BRCA1: variants seen among roughly 807,000 people sequenced by gnomAD.
The protein encoded by BRCA1 is breast cancer type 1 susceptibility protein.
In BRCA1, 140 loss-of-function variants were observed where a neutral mutation model predicts 173.7. The ratio of observed to expected loss-of-function variants is 0.81; its 90% CI spans 0.70 to 0.93. The LOEUF (loss-of-function observed/expected upper bound fraction) is 0.93, where lower values mean the gene tolerates loss of function less well. Ranked by LOEUF, BRCA1 falls within the 40% of genes least tolerant of loss-of-function variation. The probability of loss-of-function intolerance (pLI) is 0.00; values close to 1 mark genes in which losing one functional copy is unlikely to be tolerated. For synonymous variants in BRCA1, 662 were observed against 756.0 expected (o/e 0.88, Z 2.04); for missense variants, 1,983 against 2,172.5 (o/e 0.91, Z 1.73).
chr17:43,131,351 G>A (rs890893873), intron 1 of BRCA1: 4 of 441,388 alleles, frequency 9.1e-6, no homozygotes, highest in East Asian at 7.1e-5. Flanking sequence ...TTAATAATTC[G>A]AAGTAGCGCT....
intron 7 of BRCA1, among the ~76,000 whole-genome samples, chr17:43,099,182 G>A (rs1229935940): frequency 6.6e-6 from 1 of 151,774 alleles, no homozygotes; most frequent in Non-Finnish European, 1.5e-5. Context: ...ACTAAATACT[G>A]TAGCAATCCA....
At chr17:43,125,068 G>T in intron 1 of BRCA1, 2 of 436,820 alleles carry the variant, frequency 4.6e-6, no homozygotes, top group South Asian at 1.6e-5. Flanking sequence ...GACACTCAGT[G>T]CCCCCTTCCT....
At chr17:43,120,897 T>A (rs918374026) in intron 2 of BRCA1, among the ~76,000 whole-genome samples, 1 of 150,648 alleles carries the variant, frequency 6.6e-6, no homozygotes, top group Admixed American at 6.6e-5. Context: ...AAACCCTATC[T>A]CTACTAAAAA....
At chr17:43,149,223 C>T (rs537638513) in intron 1 of BRCA1, among the ~76,000 whole-genome samples, 18 of 151,152 alleles carry the variant, frequency 1.2e-4, no homozygotes, top group African/African-American at 3.4e-4. Flanking sequence ...CTCAGCCTCC[C>T]GAGTAGCTGG....
At chr17:43,126,992 C>T (rs996121168), upstream of BRCA1, among the ~76,000 whole-genome samples, 1 of 152,176 alleles carries the variant, frequency 6.6e-6, no homozygotes, top group African/African-American at 2.4e-5. Context: ...TGCGCCGGGT[C>T]CCCCAGCACT....
At chr17:43,138,301 A>G (rs772253631) in intron 1 of BRCA1, 1 of 324,738 alleles carries the variant, frequency 3.1e-6, no homozygotes, top group Admixed American at 4.6e-5. Flanking sequence ...CTCCGATACT[A>G]TATGGCCTGC....
chr17:43,073,654 G>A (rs948972885), intron 14 of BRCA1, among the ~76,000 whole-genome samples: 4 of 151,888 alleles, frequency 2.6e-5, no homozygotes, highest in African/African-American at 9.7e-5. Flanking sequence ...AACTTGCTTT[G>A]GGATTTGACT....
Position 43,099,857 on chromosome 17 carries a change from T to C in BRCA1, c.465A>G (p.Gln155=), listed in dbSNP as rs864622260. 1 of 1,613,510 alleles carries C rather than the reference T, an allele frequency of 6.2e-7. No homozygotes were observed. Among genetic ancestry groups the C allele is most frequent in the Non-Finnish European group, 8.5e-7 (1 of 1,179,466 alleles). The change falls in exon 7 of 23, where the codon CAA becomes CAG. Residue 155 remains glutamine (Q), a synonymous_variant. Transcript: ENST00000357654. The part of the protein sequence containing the change: ...PSLQETSLSV[Q]LSNLGTVRTL... ...TTCTCACAGTTCCAAGGTTAGAGAGTTGGACACTGAGACTGGTTTCCTGCT... is the reference window on the plus strand; with the variant it reads ...TTCTCACAGTTCCAAGGTTAGAGAGCTGGACACTGAGACTGGTTTCCTGCT...
chr17:43,073,766 A>AT (rs974171622), intron 14 of BRCA1, among the ~76,000 whole-genome samples: 1 of 151,130 alleles, frequency 6.6e-6, no homozygotes, highest in East Asian at 2.0e-4. Context: ...ATATATATAT[A>AT]TTTTTTGAGA....
At chr17:43,077,643 T>C (rs1348877949) in intron 12 of BRCA1, among the ~76,000 whole-genome samples, 1 of 150,738 alleles carries the variant, frequency 6.6e-6, no homozygotes, top group African/African-American at 2.4e-5. Context: ...CTAATTCATT[T>C]TGTAATATAT....
intron 1 of BRCA1, chr17:43,169,995 A>G (rs955720366): frequency 2.0e-4 from 95 of 466,118 alleles, no homozygotes; most frequent in African/African-American, 1.7e-3. Flanking sequence ...AAGGGCATTG[A>G]TCTTATCCTC....
chr17:43,127,397 G>A (rs1468308907), upstream of BRCA1, among the ~76,000 whole-genome samples: 1 of 152,102 alleles, frequency 6.6e-6, no homozygotes, highest in Non-Finnish European at 1.5e-5. Context: ...GTGGGCACTT[G>A]GAGAACTTCT....
chr17:43,100,630 T>C (rs2054380096), intron 6 of BRCA1, among the ~76,000 whole-genome samples: 3 of 57,828 alleles, frequency 5.2e-5, no homozygotes, highest in Admixed American at 2.1e-4. Context: ...CATATATATA[T>C]GTTATATATA....
intron 12 of BRCA1, 36 bp from the exon 13 acceptor site, chr17:43,076,650 G>T: frequency 6.2e-7 from 1 of 1,606,802 alleles, no homozygotes; most frequent in Non-Finnish European, 8.5e-7. Flanking sequence ...CTACTTTACT[G>T]CTTTGTTCTG....
chr17:43,094,449 G>C lies in BRCA1; in HGVS notation c.1082C>G (p.Ser361Ter), dbSNP rs397508833. The change falls in exon 10 of 23, where the codon TCA becomes TGA. Residue 361 changes from serine (S) to a stop codon, truncating the protein, a stop_gained. Coordinates refer to ENST00000357654, the MANE Select transcript of BRCA1 (RefSeq NM_007294.4). LOFTEE classifies it high-confidence loss of function. ...KEWNKQKLPCSENPRDTEDVP... is the reference protein window; with the variant it reads ...KEWNKQKLPC ...ATCTTCAGTATCTCTAGGATTCTCT[G>C]AGCATGGCAGTTTCTGCTTATTCCA... 6.2e-7 allele frequency: 1 copy of C among 1,614,026 alleles called. No homozygotes were observed. The highest frequency in any genetic ancestry group is 8.5e-7 in the Non-Finnish European group (1 of 1,180,024).
intron 2 of BRCA1, among the ~76,000 whole-genome samples, chr17:43,116,911 A>C (rs1020926026): frequency 1.3e-5 from 2 of 152,098 alleles, no homozygotes; most frequent in Non-Finnish European, 2.9e-5. Context: ...AGTTTCCCCC[A>C]TTCTGGATTT....
intron 1 of BRCA1, chr17:43,138,034 A>C: frequency 6.4e-6 from 1 of 156,362 alleles, no homozygotes. Flanking sequence ...TAAAAATACA[A>C]AAATTAGCCG....
intron 1 of BRCA1, among the ~76,000 whole-genome samples, chr17:43,151,858 T>C (rs375156992): frequency 1.9e-4 from 29 of 152,356 alleles, no homozygotes; most frequent in African/African-American, 7.0e-4. Context: ...GTTGCACCAC[T>C]GTACCTCAGC....
intron 1 of BRCA1, among the ~76,000 whole-genome samples, chr17:43,133,637 CTT>C (rs34083503): frequency 1.5e-4 from 21 of 138,598 alleles, no homozygotes; most frequent in East Asian, 2.1e-4. Flanking sequence ...TTTTCACTTC[CTT>C]TTTTTTTTTT....
Sources: gnomAD v4.1 joint callset for allele counts (sites outside exome capture counted in the v4.1 genomes callset) on GRCh38, gnomAD v4.1.1 for gene constraint, MANE v1.5 for transcripts, NCBI Gene and HGNC (gene_info 2026-07-23, HGNC 2026-07-21) for gene names.